The following GYS2 variants were observed in gnomAD, a reference collection of about 807,000 sequenced individuals.
GYS2 encodes glycogen [starch] synthase, liver.
A neutral mutation model predicts 85.6 loss-of-function variants in GYS2; 80 were observed. The observed-to-expected ratio is 0.93, with a 90% CI of 0.78 to 1.13. The LOEUF (loss-of-function observed/expected upper bound fraction) is 1.13. GYS2 is among the 50% of genes most tolerant of loss of function. The pLI is 0.00. For missense variants in GYS2, 881 were observed against 854.9 expected (o/e 1.03, Z -0.38); for synonymous variants, 328 against 300.7 (o/e 1.09, Z -0.94).
intron 11 of GYS2, among the ~76,000 whole-genome samples, chr12:21,555,602 CAGGTA>C (rs1017555324): frequency 2.9e-4 from 44 of 152,290 alleles, no homozygotes; most frequent in African/African-American, 1.0e-3. Context: ...AACTGATCTT[CAGGTA>C]AGGGACTGAA....
At chr12:21,563,187 T>G in intron 6 of GYS2, 41 bp downstream of exon 6, 1 of 1,267,568 alleles carries the variant, frequency 7.9e-7, no homozygotes, top group Non-Finnish European at 1.2e-6. Context: ...AGATCACTCA[T>G]ATCTGATACT....
Position 21,540,472 on chromosome 12 carries a change from T to C in GYS2, c.1747A>G (p.Ile583Val). 1 of 1,614,088 alleles carries C rather than the reference T, an allele frequency of 6.2e-7. No homozygotes were observed. ...CTCTCAGTTCTGTTCCTCTGGATAA[T>C]CCTTTGGCGGCGTGACTGTTTGCAA... ...GFCKQSRRQRIIQRNRTERLS... is the reference protein window; with the variant it reads ...GFCKQSRRQRVIQRNRTERLS... The change falls in exon 14 of 16, where the codon ATT (isoleucine) becomes GTT (valine). Residue 583 changes from isoleucine (I) to valine (V), a missense_variant. Ile to Val is a conservative substitution (Grantham distance 29). Transcript: ENST00000261195.
intron 2 of GYS2, among the ~76,000 whole-genome samples, chr12:21,578,296 A>G (rs780263318): frequency 2.0e-4 from 31 of 151,900 alleles, no homozygotes; most frequent in Non-Finnish European, 4.1e-4. Context: ...TTCCTTTTCT[A>G]TCTATTCCAA....
At chr12:21,545,949 A>G (rs937010076) in intron 12 of GYS2, among the ~76,000 whole-genome samples, 4 of 152,234 alleles carry the variant, frequency 2.6e-5, no homozygotes, top group African/African-American at 9.6e-5. Flanking sequence ...TAATTTTTAA[A>G]GAACAACATT....
At chr12:21,533,642 G>A (rs1943884955), downstream of GYS2, among the ~76,000 whole-genome samples, 1 of 152,122 alleles carries the variant, frequency 6.6e-6, no homozygotes, top group African/African-American at 2.4e-5. Flanking sequence ...TCCCCCTCCT[G>A]AGTCTTCCTT....
At chr12:21,547,322 T>C (rs540748820) in intron 11 of GYS2, among the ~76,000 whole-genome samples, 1 of 152,348 alleles carries the variant, frequency 6.6e-6, no homozygotes, top group South Asian at 2.1e-4. Context: ...AACATGTAGA[T>C]GTTTATAACA....
At chr12:21,603,321 C>A (rs1433500297) in intron 1 of GYS2, among the ~76,000 whole-genome samples, 1 of 152,096 alleles carries the variant, frequency 6.6e-6, no homozygotes, top group Non-Finnish European at 1.5e-5. Context: ...TCCACTTCTA[C>A]ATAGGCAAAA....
chr12:21,586,549 A>G (rs1301778693), intron 1 of GYS2, among the ~76,000 whole-genome samples: 1 of 152,090 alleles, frequency 6.6e-6, no homozygotes, highest in Non-Finnish European at 1.5e-5. Flanking sequence ...GAAGACATAC[A>G]AGTGGCCAAT....
intron 1 of GYS2, among the ~76,000 whole-genome samples, chr12:21,581,931 T>C (rs1944514438): frequency 6.6e-6 from 1 of 152,134 alleles, no homozygotes; most frequent in Non-Finnish European, 1.5e-5. Flanking sequence ...AAATTAGATG[T>C]GGCCTAGGCA....
At chr12:21,567,118 C>T (rs951088354) in intron 5 of GYS2, among the ~76,000 whole-genome samples, 4 of 151,986 alleles carry the variant, frequency 2.6e-5, no homozygotes, top group African/African-American at 7.2e-5. Flanking sequence ...ACCCTGAATT[C>T]GATGATTTTT....
intron 1 of GYS2, among the ~76,000 whole-genome samples, chr12:21,582,594 G>GATAGATAGAT (rs1555159429): frequency 2.7e-5 from 4 of 148,816 alleles, no homozygotes; most frequent in African/African-American, 1.0e-4. Context: ...TAGATATAGA[G>GATAGATAGAT]ATAGATATAG....
rs958670031 is a variant in GYS2 at position 21,540,553 on chromosome 12, G to T, written c.1666C>A (p.Arg556=). 1 of 1,613,762 alleles carries T rather than the reference G, an allele frequency of 6.2e-7. No homozygotes were observed. The highest frequency in any genetic ancestry group is 1.7e-5 in the Admixed American group (1 of 59,994). The change falls in exon 14 of 16, where the codon CGG becomes AGG. Residue 556 remains arginine, a synonymous_variant. Transcript: ENST00000261195. Reference sequence around the variant, plus strand: ...CAAGAATCATCTGGAGAACGGAACCGCCTGTCAACGATGTAAATACCTGAA... The same window carrying T: ...CAAGAATCATCTGGAGAACGGAACCTCCTGTCAACGATGTAAATACCTGAA... ...TAYGIYIVDR[R]FRSPDDSCNQ...
intron 7 of GYS2, 73 bp downstream of exon 7, chr12:21,562,845 A>G: frequency 6.4e-7 from 1 of 1,571,558 alleles, no homozygotes; most frequent in Non-Finnish European, 8.7e-7. Flanking sequence ...TAAGAAGCCA[A>G]AAAATTCTTC....
rs886049156 is a variant in GYS2 at position 21,558,204 on chromosome 12, A to C, written c.1418T>G (p.Val473Gly). The C allele has an allele frequency of 1.0e-5, 16 of 1,578,290 alleles. No individual in the cohort carries two copies. Among genetic ancestry groups the C allele is most frequent in the Non-Finnish European group, 1.2e-5 (14 of 1,147,366 alleles). Reference sequence around the variant, plus strand: ...CACATGAACAATTTGTTCTACCTTGACTCTATCTGTGCGGTTGTTGAAAAG... The same window carrying C: ...CACATGAACAATTTGTTCTACCTTGCCTCTATCTGTGCGGTTGTTGAAAAG... ...IGLFNNRTDR[V>G]KVILHPEFLS... Residue 473 changes from valine (V) to glycine (G), a missense_variant, in exon 11 of 16, where the codon GTC becomes GGC. Coordinates refer to ENST00000261195, the MANE Select transcript of GYS2 (RefSeq NM_021957.4).
chr12:21,582,604 GATAT>G (rs1565608531), intron 1 of GYS2, among the ~76,000 whole-genome samples: 11 of 55,170 alleles, frequency 2.0e-4, no homozygotes, highest in African/African-American at 3.2e-4. Flanking sequence ...GATAGATATA[GATAT>G]AGATATAGAT....
intron 11 of GYS2, among the ~76,000 whole-genome samples, chr12:21,556,358 A>T (rs1944179132): frequency 6.6e-6 from 1 of 152,090 alleles, no homozygotes; most frequent in Admixed American, 6.5e-5. Context: ...TTTTGTAGAG[A>T]CAGGGTTTCA....
In GYS2 at chr12:21,542,575, C is replaced by T; in HGVS notation, c.1566G>A (p.Met522Ile). Residue 522 changes from methionine (M) to isoleucine (I), a missense_variant, in exon 13 of 16, where the codon ATG becomes ATA. Met to Ile is a conservative substitution (Grantham distance 10). Transcript: ENST00000261195. ...GATTCGTGGTCACACTGGGGATACC[C>T]ATCACAGTGCATTCAGCTGCCAGGG... ...WGYTPAECTVMGIPSVTTNLS... is the reference protein window; with the variant it reads ...WGYTPAECTVIGIPSVTTNLS... 1 of 1,611,944 alleles carries T rather than the reference C, an allele frequency of 6.2e-7. No homozygotes were observed. The highest frequency in any genetic ancestry group is 8.5e-7 in the Non-Finnish European group (1 of 1,178,162).
Position 21,575,941 on chromosome 12 carries a change from G to T in GYS2, c.420C>A (p.Val140=). The T allele has an allele frequency of 6.2e-7, 1 of 1,613,774 alleles. No homozygotes were observed. The highest frequency in any genetic ancestry group is 1.1e-5 in the South Asian group (1 of 91,072). Residue 140 remains valine, a synonymous_variant, in exon 3 of 16, where the codon GTC becomes GTA. Coordinates refer to ENST00000261195, the MANE Select transcript of GYS2 (RefSeq NM_021957.4). ...CTTCTCGGTCATGATAAGGAATGCC[G>T]ACACTGCATGCTTCCCAGAGGTCAC... ...WKGDLWEACS[V]GIPYHDREAN...
intron 1 of GYS2, among the ~76,000 whole-genome samples, chr12:21,595,957 A>G (rs1384590771): frequency 6.6e-6 from 1 of 152,188 alleles, no homozygotes; most frequent in African/African-American, 2.4e-5. Context: ...TAACAGTTAT[A>G]TACAGAACAT....
Sources: allele counts gnomAD v4.1 joint callset (sites outside exome capture counted in the v4.1 genomes callset), GRCh38; gene constraint gnomAD v4.1.1; transcripts MANE v1.5; gene names NCBI Gene and HGNC (gene_info 2026-07-23, HGNC 2026-07-21).